RASA3: variants seen among roughly 807,000 people sequenced by gnomAD.
The protein encoded by RASA3 is RAS p21 protein activator 3, also known as ras GTPase-activating protein 3.
In RASA3, 73 loss-of-function variants were observed where a neutral mutation model predicts 110.0. The ratio of observed to expected loss-of-function variants is 0.66; its 90% CI spans 0.55 to 0.81. The LOEUF (loss-of-function observed/expected upper bound fraction) is 0.81, where lower values mean the gene tolerates loss of function less well. Ranked by LOEUF, RASA3 falls within the 30% of genes least tolerant of loss-of-function variation. RASA3 has a pLI of 0.00. For synonymous variants in RASA3, 500 were observed against 451.4 expected (o/e 1.11, Z -1.37); for missense variants, 976 against 1,113.2 (o/e 0.88, Z 1.75).
rs539041789 is a variant in RASA3, at chr13:114,013,576, G to GTCTCTC, written c.1406-334_1406-329dup. 1.7e-4 allele frequency among the ~76,000 whole-genome samples: 11 copies of GTCTCTC among 63,526 alleles called. 1 individual carries two copies. In the Admixed American group the frequency reaches 1.8e-3, roughly 11 times the overall value. 41.7% of individuals were successfully genotyped at this position (63,526 alleles called of 152,430 possible). On this transcript the variant is annotated intron_variant, in intron 14 of 23. Coordinates refer to ENST00000334062, the MANE Select transcript of RASA3 (RefSeq NM_007368.4). ...TCCCTCTGTCTCTCTCCCTATCTCTGTCTCTCTCTCTCTCTCTCCGTCTCT... is the reference window on the plus strand; with the variant it reads ...TCCCTCTGTCTCTCTCCCTATCTCTGTCTCTCTCTCTCTCTCTCTCTCTCCGTCTCT...
chr13:114,025,152 T>A (rs372623993), intron 7 of RASA3, among the ~76,000 whole-genome samples: 1 of 152,208 alleles, frequency 6.6e-6, no homozygotes, highest in Non-Finnish European at 1.5e-5. Flanking sequence ...GCCTCAGCAG[T>A]GATGCTGGCT....
chr13:114,015,322 C>T lies in RASA3; in HGVS notation c.1292G>A (p.Arg431Gln), dbSNP rs1168359722. 14 of 1,612,776 alleles carry T rather than the reference C, an allele frequency of 8.7e-6. No homozygotes were observed. The East Asian group carries it at 1.1e-4, about 13-fold the overall frequency. Reference protein sequence around the residue: ...ENLENNMENLRQYVDRVFHAI... With the variant: ...ENLENNMENLQQYVDRVFHAI... ...GTGGAAGACGCGGTCCACATACTGC[C>T]GTAGGTTCTCCTGCAACGGGACACG... Residue 431 changes from arginine to glutamine, a missense_variant, in exon 14 of 24, where the codon CGG becomes CAG. Around this residue, in one of 4 missense-constraint regions of RASA3, gnomAD observed 732 missense variants for 779.7 expected, o/e 0.94. Coordinates refer to ENST00000334062, the MANE Select transcript of RASA3 (RefSeq NM_007368.4).
chr13:114,074,362 C>T (rs1036363251), intron 1 of RASA3, among the ~76,000 whole-genome samples: 4 of 152,158 alleles, frequency 2.6e-5, no homozygotes, highest in African/African-American at 7.2e-5. Flanking sequence ...CTCACGTCGG[C>T]GGGATCCACA....
rs200133013 is a variant in RASA3, at chr13:114,052,108, C to T, written c.221G>A (p.Arg74His). 2.9e-5 allele frequency: 46 copies of T among 1,613,382 alleles called. No individual in the cohort carries two copies. The highest frequency in any genetic ancestry group is 8.9e-5 in the East Asian group (4 of 44,904). The change falls in exon 3 of 24, where the codon CGT (arginine) becomes CAT (histidine). Residue 74 changes from arginine (R) to histidine (H), a missense_variant. Arg to His is a conservative substitution (Grantham distance 29). Around this residue, in one of 4 missense-constraint regions of RASA3, gnomAD observed 732 missense variants for 779.7 expected, o/e 0.94. Transcript: ENST00000334062. ...ATCGAAAATGTAGAAGGACAGGTGA[C>T]GAAAGCTCCGAGGAATTTCACAGTA... The part of the protein sequence containing the change: ...DFYCEIPRSF[R>H]HLSFYIFDRD...
intron 4 of RASA3, among the ~76,000 whole-genome samples, chr13:114,034,064 G>C (rs572399947): frequency 3.3e-5 from 5 of 152,150 alleles, no homozygotes; most frequent in Admixed American, 1.3e-4. Context: ...TGGGCTAAAG[G>C]AGTGCCCTGA....
intron 1 of RASA3, among the ~76,000 whole-genome samples, chr13:114,091,936 T>C (rs540021706): frequency 1.3e-5 from 2 of 152,276 alleles, no homozygotes; most frequent in East Asian, 3.9e-4. Context: ...TTATAAAATT[T>C]CTCTAGGTTT....
At position 114,056,122 on chromosome 13, in the gene RASA3, C is replaced by G. The variant is rs1010835674; in HGVS notation, c.174-3967G>C. 6.6e-6 allele frequency among the ~76,000 whole-genome samples: 1 copy of G among 152,198 alleles called. No homozygotes were observed. Among genetic ancestry groups the G allele is most frequent in the Non-Finnish European group, 1.5e-5 (1 of 68,030 alleles). ...CCCGCACAGGCACTGAGGACCCCAC[C>G]ACATGGGCCTGTGCCTGCCTGGCAG... On this transcript the variant is annotated intron_variant, in intron 2 of 23. Transcript: ENST00000334062. This position sits in a 1 kb window ranked among gnomAD's most constrained non-coding sequence, Gnocchi z 5.7.
rs907687201 is a variant in RASA3 at position 114,014,106 on chromosome 13, G to A, written c.1406-858C>T. Among the ~76,000 whole-genome samples, 1 of 130,790 alleles carries A rather than the reference G, an allele frequency of 7.6e-6. No individual in the cohort carries two copies. Among genetic ancestry groups the A allele is most frequent in the South Asian group, 2.6e-4 (1 of 3,884 alleles). The allele number at this position is 130,790 out of a possible 152,430, so 85.8% of individuals were successfully genotyped here. On this transcript the variant is annotated intron_variant, in intron 14 of 23. Coordinates refer to ENST00000334062, the MANE Select transcript of RASA3 (RefSeq NM_007368.4). The surrounding 1 kb of genome is among the most constrained non-coding windows in gnomAD (Gnocchi z 4.5). Reference sequence around the variant, plus strand: ...TCTGCCTCTCTCTCCGTCTCTCCCTGTCTCTCTCTCTCTCTCCTTGTCTCT... The same window carrying A: ...TCTGCCTCTCTCTCCGTCTCTCCCTATCTCTCTCTCTCTCTCCTTGTCTCT...
intron 4 of RASA3, among the ~76,000 whole-genome samples, chr13:114,040,539 C>T (rs1448463348): frequency 7.2e-6 from 1 of 138,976 alleles, no homozygotes; most frequent in Non-Finnish European, 1.5e-5. Flanking sequence ...GCGGAGCCCG[C>T]GCTCACTCCG....
At position 114,114,874 on chromosome 13, in the gene RASA3, CG is replaced by C. The variant is rs2080257907; in HGVS notation, c.55+17560del. On this transcript the variant is annotated intron_variant, in intron 1 of 23. Transcript: ENST00000334062. The surrounding 1 kb of genome is among the most constrained non-coding windows in gnomAD (Gnocchi z 4.8). Reference sequence around the variant, plus strand: ...ATAGCTCCCAGCTCCAGGGACGACGCGGGGGTGCTAAGCTGGTAAGCTGGGA... The same window carrying C: ...ATAGCTCCCAGCTCCAGGGACGACGCGGGGTGCTAAGCTGGTAAGCTGGGA... 6.6e-6 allele frequency among the ~76,000 whole-genome samples: 1 copy of C among 152,052 alleles called. No homozygotes were observed. The highest frequency in any genetic ancestry group is 2.1e-4 in the South Asian group (1 of 4,828).
At chr13:114,027,799 C>T (rs2054054863) in intron 6 of RASA3, 48 bp downstream of exon 6, 3 of 1,570,104 alleles carry the variant, frequency 1.9e-6, no homozygotes, top group Non-Finnish European at 2.6e-6. Flanking sequence ...GAGCTGGACC[C>T]TAGCCCCCCA....
At chr13:114,078,119 C>T (rs186560162) in intron 1 of RASA3, 198 of 591,254 alleles carry the variant, frequency 3.3e-4, no homozygotes, top group African/African-American at 2.0e-3. Flanking sequence ...TGCTGCAGCA[C>T]GGCCTGGCCA....
At chr13:114,045,201 CG>C (rs931883928) in intron 3 of RASA3, among the ~76,000 whole-genome samples, 2 of 152,206 alleles carry the variant, frequency 1.3e-5, no homozygotes, top group Non-Finnish European at 2.9e-5. Context: ...CTAAAAGCCA[CG>C]GCGTCTACTT....
chr13:114,028,060 G>A (rs1594347734), intron 5 of RASA3, 133 bp from the exon 6 acceptor site: 1 of 686,234 alleles, frequency 1.5e-6, no homozygotes, highest in Non-Finnish European at 2.5e-6. Flanking sequence ...GGCAGGGAGG[G>A]CCACACCAGC....
At chr13:114,054,908 G>A (rs1244147182) in intron 2 of RASA3, among the ~76,000 whole-genome samples, 3 of 152,274 alleles carry the variant, frequency 2.0e-5, no homozygotes, top group African/African-American at 7.2e-5. Flanking sequence ...GCCGAGATCT[G>A]ATGTCAGGGA....
chr13:114,052,244 CAT>C lies in RASA3; in HGVS notation c.174-91_174-90del, dbSNP rs771602990. 171 of 849,414 alleles carry C rather than the reference CAT, an allele frequency of 2.0e-4. No homozygotes were observed. The East Asian group carries it at 4.4e-3, about 22-fold the overall frequency. The allele number at this position is 849,414 out of a possible 1,614,324, so 52.6% of individuals were successfully genotyped here. ...ACACACGTGTGGTCTTAGTTTTAAA[CAT>C]GCCATAAGAATGCCCTGCACTGTGT... On this transcript the variant is annotated intron_variant, in intron 2 of 23. Coordinates refer to ENST00000334062, the MANE Select transcript of RASA3 (RefSeq NM_007368.4).
At chr13:114,080,578 CAG>C (rs1566560157) in intron 1 of RASA3, among the ~76,000 whole-genome samples, 1 of 152,146 alleles carries the variant, frequency 6.6e-6, no homozygotes, top group Non-Finnish European at 1.5e-5. Flanking sequence ...ACTTCCACCA[CAG>C]GGAGAATGAG....
At chr13:114,079,758 CT>C (rs1250844568) in intron 1 of RASA3, among the ~76,000 whole-genome samples, 3 of 152,216 alleles carry the variant, frequency 2.0e-5, no homozygotes, top group African/African-American at 7.2e-5. Flanking sequence ...CATGTGCCCC[CT>C]GGCTCCTGTT....
chr13:114,073,860 A>T, intron 1 of RASA3, 23 bp from the exon 2 acceptor site: 1 of 1,564,316 alleles, frequency 6.4e-7, no homozygotes, highest in Non-Finnish European at 8.8e-7. Context: ...AGCGACATAC[A>T]TCATCAGCAG....
Sources: gnomAD v4.1 joint callset for allele counts (sites outside exome capture counted in the v4.1 genomes callset) on GRCh38, gnomAD v4.1.1 for gene constraint, gnomAD v4.1.1 regional missense constraint, Gnocchi (gnomAD v3.1) non-coding constraint, MANE v1.5 for transcripts, NCBI Gene and HGNC (gene_info 2026-07-23, HGNC 2026-07-21) for gene names.